OPHN1: variants seen among roughly 807,000 people sequenced by gnomAD.
The protein encoded by OPHN1 is oligophrenin-1.
OPHN1 carries 11 observed loss-of-function variants against 60.7 expected under a neutral mutation model. The ratio of observed to expected loss-of-function variants is 0.18; its 90% CI spans 0.11 to 0.30. OPHN1 has a LOEUF of 0.30. Ranked by LOEUF, OPHN1 falls within the 10% of genes least tolerant of loss-of-function variation. The probability of loss-of-function intolerance (pLI) is 1.00; values close to 1 mark genes in which losing one functional copy is unlikely to be tolerated. For missense variants in OPHN1, 449 were observed against 611.0 expected, an observed-to-expected ratio of 0.73 and a Z score of 2.80; for synonymous variants, 226 against 222.6, an observed-to-expected ratio of 1.02 and a Z score of -0.14.
At chrX:68,307,328 C>A (rs1021127318) in intron 2 of OPHN1, among the ~76,000 whole-genome samples, 5 of 108,528 alleles carry the variant, frequency 4.6e-5, no homozygotes, top group African/African-American at 1.7e-4. Context: ...GTGGTGTGCA[C>A]CTGTAGTCCC....
chrX:68,301,339 G>A (rs999655907), intron 2 of OPHN1, among the ~76,000 whole-genome samples: 2 of 107,084 alleles, frequency 1.9e-5, no homozygotes, highest in African/African-American at 6.9e-5. Flanking sequence ...CCAGCTACTT[G>A]GGGGGTTGAG....
intron 3 of OPHN1, 47 bp downstream of exon 3, chrX:68,298,954 C>T: frequency 1.2e-6 from 1 of 819,826 alleles, no homozygotes; most frequent in Admixed American, 2.3e-5. Flanking sequence ...TACATGGTCT[C>T]AGGGCTGCCT....
intron 5 of OPHN1, among the ~76,000 whole-genome samples, chrX:68,248,282 A>T (rs748398144): frequency 1.0e-5 from 1 of 99,514 alleles, no homozygotes; most frequent in South Asian, 4.5e-4. Flanking sequence ...TGGGCAAAAG[A>T]TTTGAATAGA....
At chrX:68,152,454 C>CT (rs376464615) in intron 15 of OPHN1, among the ~76,000 whole-genome samples, 8,374 of 101,619 alleles carry the variant, frequency 0.082, 1,075 homozygotes, top group African/African-American at 0.29. Context: ...TTTTTTTATT[C>CT]TTTTTTTTTT....
At chrX:68,209,433 G>A (rs991832101) in intron 9 of OPHN1, among the ~76,000 whole-genome samples, 22 of 111,712 alleles carry the variant, frequency 2.0e-4, no homozygotes, top group Non-Finnish European at 4.1e-4. Context: ...AAGTGTAGTG[G>A]TAGGTGCCTT....
At chrX:68,398,352 C>T (rs1256163106) in intron 2 of OPHN1, among the ~76,000 whole-genome samples, 1 of 112,020 alleles carries the variant, frequency 8.9e-6, no homozygotes, top group African/African-American at 3.2e-5. Context: ...TCAGCTGCAA[C>T]TATAATAGCC....
chrX:68,141,903 TTAAA>T (rs1463255309), intron 15 of OPHN1, among the ~76,000 whole-genome samples: 112 of 75,356 alleles, frequency 1.5e-3, no homozygotes, highest in Middle Eastern at 6.5e-3. Flanking sequence ...GTGATGTTAA[TTAAA>T]GAAAGAAAGA....
intron 21 of OPHN1, among the ~76,000 whole-genome samples, chrX:68,059,767 G>T (rs1171691047): frequency 9.0e-6 from 1 of 111,306 alleles, no homozygotes; most frequent in Non-Finnish European, 1.9e-5. Context: ...AGCCAAGACA[G>T]AGGAAAGGAG....
intron 19 of OPHN1, among the ~76,000 whole-genome samples, chrX:68,089,644 C>T (rs766192170): frequency 9.0e-6 from 1 of 111,724 alleles, no homozygotes; most frequent in East Asian, 2.8e-4. Context: ...ATTTTCACCT[C>T]ATTCTGAATC....
At chrX:68,346,819 A>G (rs2078381504) in intron 2 of OPHN1, among the ~76,000 whole-genome samples, 1 of 111,993 alleles carries the variant, frequency 8.9e-6, no homozygotes, top group Admixed American at 9.6e-5. Context: ...GGGAACCCAC[A>G]GCCCCCAAAT....
intron 5 of OPHN1, among the ~76,000 whole-genome samples, chrX:68,273,413 G>T (rs1243820682): frequency 8.9e-6 from 1 of 111,776 alleles, no homozygotes; most frequent in East Asian, 2.8e-4. Context: ...TAGCTGAAAA[G>T]ATTAAAAATG....
At chrX:68,223,558 G>A (rs1306985521) in intron 6 of OPHN1, among the ~76,000 whole-genome samples, 1 of 111,116 alleles carries the variant, frequency 9.0e-6, no homozygotes, top group Non-Finnish European at 1.9e-5. Context: ...AAAGGGTGGT[G>A]AGAGGGGGCT....
chrX:68,327,308 A>G (rs2078267564), intron 2 of OPHN1, among the ~76,000 whole-genome samples: 1 of 7,454 alleles, frequency 1.3e-4, no homozygotes, highest in Non-Finnish European at 1.9e-4. Flanking sequence ...ATGGGCCATG[A>G]TGACAATGGC....
In OPHN1 at chrX:68,405,828, G is replaced by C. The variant is rs546702899; in HGVS notation, c.154+27039C>G. ...AAACTTTTGGGACATAATGGGCTAA[G>C]AGAAGCAACAAGATATTATATAAAG... On this transcript the variant is annotated intron_variant, in intron 2 of 24. Transcript: ENST00000355520. 2.1e-4 allele frequency among the ~76,000 whole-genome samples: 23 copies of C among 111,565 alleles called. No homozygotes were observed. The South Asian group carries it at 7.1e-3, about 35-fold the overall frequency.
At chrX:68,308,664 T>G (rs2078158168) in intron 2 of OPHN1, among the ~76,000 whole-genome samples, 1 of 112,161 alleles carries the variant, frequency 8.9e-6, no homozygotes, top group Non-Finnish European at 1.9e-5. Flanking sequence ...TGTAGTTATT[T>G]TTATTTTAAA....
chrX:68,393,748 T>A (rs1329219431), intron 2 of OPHN1, among the ~76,000 whole-genome samples: 1 of 110,320 alleles, frequency 9.1e-6, no homozygotes, highest in Non-Finnish European at 1.9e-5. Flanking sequence ...TACTCCCTTT[T>A]TTACCAGAAG....
intron 5 of OPHN1, among the ~76,000 whole-genome samples, chrX:68,269,243 A>C (rs1293308649): frequency 8.9e-6 from 1 of 111,771 alleles, no homozygotes; most frequent in Non-Finnish European, 1.9e-5. Flanking sequence ...ACTACTTTGA[A>C]GTTCATATGG....
chrX:68,085,788 A>T lies in OPHN1; in HGVS notation c.1686+11082T>A, dbSNP rs375760734. Among the ~76,000 whole-genome samples, 10 of 112,093 alleles carry T rather than the reference A, an allele frequency of 8.9e-5. No homozygotes were observed. The East Asian group carries it at 2.8e-3, about 31-fold the overall frequency. ...ATAGGTCCAAGAAAAGAAACCTAGC[A>T]AGCTCTACCTAATGCCCCAGTGGCT... On this transcript the variant is annotated intron_variant, in intron 19 of 24. Coordinates refer to ENST00000355520, the MANE Select transcript of OPHN1 (RefSeq NM_002547.3).
chrX:68,432,187 T>C lies in OPHN1; in HGVS notation c.154+680A>G, dbSNP rs746274291. Among the ~76,000 whole-genome samples the C allele has an allele frequency of 1.1e-4, 12 of 111,051 alleles. No individual in the cohort carries two copies. The South Asian group carries it at 4.6e-3, about 43-fold the overall frequency. ...GCAGCCCCCAACCCTATCCCTATTT[T>C]ACTCCCTGGGGGCTGGGCCCCTTGT... On this transcript the variant is annotated intron_variant, in intron 2 of 24. Transcript: ENST00000355520.
Sources: gnomAD v4.1 joint callset for allele counts (sites outside exome capture counted in the v4.1 genomes callset) on GRCh38, gnomAD v4.1.1 for gene constraint, MANE v1.5 for transcripts, NCBI Gene and HGNC (gene_info 2026-07-23, HGNC 2026-07-21) for gene names.